SFMBT2: variants seen among roughly 807,000 people sequenced by gnomAD.
SFMBT2 encodes the protein Scm like with four mbt domains 2.
In SFMBT2, 38 loss-of-function variants were observed where a neutral mutation model predicts 110.1. That is an observed-to-expected ratio of 0.35 (90% CI 0.27 to 0.45). The LOEUF is 0.45. Ranked by LOEUF, SFMBT2 falls within the 20% of genes least tolerant of loss-of-function variation. The pLI is 1.00. For missense variants in SFMBT2, 1,011 were observed against 1,094.9 expected (o/e 0.92, Z 1.08); for synonymous variants, 425 against 425.4 (o/e 1.00, Z 0.01).
intron 7 of SFMBT2, among the ~76,000 whole-genome samples, chr10:7,270,721 A>C (rs1841552681): frequency 6.6e-6 from 1 of 152,202 alleles, no homozygotes; most frequent in Non-Finnish European, 1.5e-5. Context: ...TACCCTACCA[A>C]AATAATAGTC....
intron 4 of SFMBT2, among the ~76,000 whole-genome samples, chr10:7,359,064 GAAC>G (rs1423679257): frequency 1.3e-5 from 2 of 152,354 alleles, no homozygotes; most frequent in South Asian, 2.1e-4. Flanking sequence ...GAAGAAGAGT[GAAC>G]AGGTGGAGGT....
At chr10:7,227,833 A>C (rs2131671417) in intron 10 of SFMBT2, 22 bp downstream of exon 10, 1 of 1,589,816 alleles carries the variant, frequency 6.3e-7, no homozygotes, top group East Asian at 2.2e-5. Context: ...TTTAAAAATT[A>C]GGTAAGAGAG....
At chr10:7,234,459 C>T (rs1172841719) in intron 9 of SFMBT2, among the ~76,000 whole-genome samples, 2 of 152,168 alleles carry the variant, frequency 1.3e-5, no homozygotes, top group African/African-American at 4.8e-5. Context: ...TAAATATCAG[C>T]TGTCAATGGC....
intron 20 of SFMBT2, among the ~76,000 whole-genome samples, chr10:7,164,927 T>C (rs529549075): frequency 3.3e-5 from 5 of 152,094 alleles, no homozygotes; most frequent in Non-Finnish European, 7.4e-5. Flanking sequence ...TTCAGTTGAA[T>C]TTGCTGCAGG....
Position 7,250,130 on chromosome 10 carries a change from G to C in SFMBT2, c.871-1481C>G, listed in dbSNP as rs1325654062. Among the ~76,000 whole-genome samples, 4 of 152,082 alleles carry C rather than the reference G, an allele frequency of 2.6e-5. No individual in the cohort carries two copies. In the East Asian group the frequency reaches 7.7e-4, roughly 29 times the overall value. ...AAAGCCTTTAATTTATTTATTTTTA[G>C]GTTTTATTTTAGATACAGGGGTACA... is the stretch of plus-strand genomic sequence containing the variant. On this transcript the variant is annotated intron_variant, in intron 7 of 20. Transcript: ENST00000397167.
chr10:7,304,394 T>C (rs1387417183), intron 4 of SFMBT2, among the ~76,000 whole-genome samples: 2 of 152,190 alleles, frequency 1.3e-5, no homozygotes, highest in African/African-American at 2.4e-5. Flanking sequence ...TGTGAGTCCA[T>C]TAAACCTCTT....
chr10:7,325,670 C>G (rs537147855), intron 4 of SFMBT2, among the ~76,000 whole-genome samples: 6 of 152,328 alleles, frequency 3.9e-5, no homozygotes, highest in Admixed American at 3.3e-4. Context: ...TCAGGTACAA[C>G]TCTACCAGAA....
chr10:7,329,330 G>A (rs1843494172), intron 4 of SFMBT2, among the ~76,000 whole-genome samples: 1 of 152,180 alleles, frequency 6.6e-6, no homozygotes, highest in African/African-American at 2.4e-5. Context: ...GGCTCTAGGG[G>A]CCCCTTCCTG....
At chr10:7,286,423 C>T (rs1212277685) in intron 4 of SFMBT2, 1 of 962,900 alleles carries the variant, frequency 1.0e-6, no homozygotes, top group Non-Finnish European at 1.2e-6. Flanking sequence ...GAGGGGTGGA[C>T]TGAAGGTGAA....
intron 4 of SFMBT2, among the ~76,000 whole-genome samples, chr10:7,344,639 T>C (rs1588465889): frequency 6.6e-6 from 1 of 152,208 alleles, no homozygotes; most frequent in Middle Eastern, 3.4e-3. Context: ...AAAGTTCTCA[T>C]TTGGCTGTTC....
rs527677256 is a variant in SFMBT2, at chr10:7,170,425, A to C, written c.2544+503T>G. On this transcript the variant is annotated intron_variant, in intron 20 of 20. Coordinates refer to ENST00000397167, the MANE Select transcript of SFMBT2 (RefSeq NM_001387889.1). The surrounding 1 kb of genome is among the most constrained non-coding windows in gnomAD (Gnocchi z 4.6). The stretch of plus-strand genomic sequence containing the variant: ...TCACAGGGAGGGCTGGACGGACCCC[A>C]CTGAGAGCAGCCAAGGCAGAGTGTG... Among the ~76,000 whole-genome samples the C allele has an allele frequency of 7.2e-5, 11 of 152,164 alleles. No individual in the cohort carries two copies. Among genetic ancestry groups the C allele is most frequent in the Non-Finnish European group, 1.0e-4 (7 of 68,010 alleles).
At chr10:7,173,300 G>A (rs1256186837) in intron 17 of SFMBT2, among the ~76,000 whole-genome samples, 1 of 152,160 alleles carries the variant, frequency 6.6e-6, no homozygotes, top group Non-Finnish European at 1.5e-5. Context: ...GACATCCACC[G>A]GAGTGCTCTG....
At chr10:7,240,703 C>A (rs1224066954) in intron 9 of SFMBT2, among the ~76,000 whole-genome samples, 1 of 152,132 alleles carries the variant, frequency 6.6e-6, no homozygotes, top group East Asian at 1.9e-4. Flanking sequence ...TCTGTCTCAT[C>A]TGATAAGCAG....
In SFMBT2 at chr10:7,172,146, C is replaced by T. The variant is rs1301002378; in HGVS notation, c.2164G>A (p.Glu722Lys). Residue 722 changes from glutamate (E) to lysine (K), a missense_variant, in exon 19 of 21, where the codon GAG becomes AAG. Glu to Lys is a moderately conservative substitution (Grantham distance 56). Around this residue, in one of 2 missense-constraint regions of SFMBT2, gnomAD observed 979 missense variants for 1,016.1 expected, o/e 0.96. Coordinates refer to ENST00000397167, the MANE Select transcript of SFMBT2 (RefSeq NM_001387889.1). This position sits in a 1 kb window ranked among gnomAD's most constrained non-coding sequence, Gnocchi z 4.6. ...TAGSGEESEE[E>K]DADAMDDDTA... ...TCATCGTCCATGGCGTCAGCGTCCTCCTCTTCACTTTCCTGGGAAGGAGGA... is the reference window on the plus strand; with the variant it reads ...TCATCGTCCATGGCGTCAGCGTCCTTCTCTTCACTTTCCTGGGAAGGAGGA... The T allele has an allele frequency of 3.9e-6, 6 of 1,553,540 alleles. No individual in the cohort carries two copies. The highest frequency in any genetic ancestry group is 5.2e-6 in the Non-Finnish European group (6 of 1,149,096).
intron 4 of SFMBT2, among the ~76,000 whole-genome samples, chr10:7,303,717 C>T (rs538570915): frequency 3.0e-4 from 46 of 152,300 alleles, no homozygotes; most frequent in Admixed American, 2.5e-3. Context: ...AATAACCACT[C>T]CTCATCAAAA....
At chr10:7,354,346 C>T (rs76292214) in intron 4 of SFMBT2, among the ~76,000 whole-genome samples, 9,370 of 152,122 alleles carry the variant, frequency 0.062, 959 homozygotes, top group African/African-American at 0.21. Context: ...CAAAATAACA[C>T]GAATAACGTG....
chr10:7,206,182 A>G (rs755070236), intron 11 of SFMBT2: 160 of 985,342 alleles, frequency 1.6e-4, no homozygotes, highest in Non-Finnish European at 1.9e-4. Flanking sequence ...GTTTGGAAAA[A>G]GAGAGATACT....
chr10:7,248,830 C>T (rs990462727), intron 7 of SFMBT2, among the ~76,000 whole-genome samples, 181 bp from the exon 8 acceptor site: 1 of 152,156 alleles, frequency 6.6e-6, no homozygotes, highest in African/African-American at 2.4e-5. Context: ...TTTCTGCAGG[C>T]TAAATTGCTT....
intron 16 of SFMBT2, among the ~76,000 whole-genome samples, chr10:7,187,740 A>G (rs185818916): frequency 7.9e-5 from 12 of 152,342 alleles, no homozygotes; most frequent in African/African-American, 2.6e-4. Flanking sequence ...AAATTATTTC[A>G]TATTTCTCAA....
Sources: allele counts gnomAD v4.1 joint callset (sites outside exome capture counted in the v4.1 genomes callset), GRCh38; gene constraint gnomAD v4.1.1; regional missense constraint gnomAD v4.1.1; non-coding constraint Gnocchi (gnomAD v3.1); transcripts MANE v1.5; gene names NCBI Gene and HGNC (gene_info 2026-07-23, HGNC 2026-07-21).